Variants in ELOVL4 observed in about 807,000 individuals in gnomAD.
ELOVL4 encodes very long chain fatty acid elongase 4.
A neutral mutation model predicts 42.1 loss-of-function variants in ELOVL4; 18 were observed. That is an observed-to-expected ratio of 0.43 (90% CI 0.30 to 0.63). The LOEUF is 0.63. ELOVL4 is among the 30% of genes least tolerant of loss of function. ELOVL4 has a pLI of 0.15. For missense variants in ELOVL4, 299 were observed against 376.2 expected (o/e 0.79, Z 1.70); for synonymous variants, 117 against 127.0 (o/e 0.92, Z 0.53).
At chr6:79,932,551 C>CAAAA in intron 1 of ELOVL4, among the ~76,000 whole-genome samples, 1 of 142,130 alleles carries the variant, frequency 7.0e-6, no homozygotes, top group Admixed American at 7.0e-5. Flanking sequence ...GACTCCTTCT[C>CAAAA]AAAAAAAAAA....
rs923247626 is a variant in ELOVL4 at position 79,925,045 on chromosome 6, T to C, written c.289-13A>G. The C allele has an allele frequency of 3.2e-6, 5 of 1,546,538 alleles. No individual in the cohort carries two copies. In the African/African-American group the frequency reaches 5.4e-5, roughly 17 times the overall value. On this transcript the variant is annotated splice_polypyrimidine_tract_variant and intron_variant, in intron 2 of 5. Transcript: ENST00000369816. The stretch of plus-strand genomic sequence containing the variant: ...ATCCCATGAATAACTGGAAAAAGAG[T>C]AATAATATTTGTAGTAAAGTTTTAG...
intron 4 of ELOVL4, among the ~76,000 whole-genome samples, chr6:79,920,705 C>T (rs927741298): frequency 6.6e-6 from 1 of 152,076 alleles, no homozygotes; most frequent in Non-Finnish European, 1.5e-5. Context: ...AGATGTCACC[C>T]GTGTGGACAT....
chr6:79,947,095 G>C, intron 1 of ELOVL4, 85 bp downstream of exon 1: 1 of 1,163,260 alleles, frequency 8.6e-7, no homozygotes, highest in Non-Finnish European at 1.3e-6. Context: ...GGGGGCCTGT[G>C]GGGCCGGGCC....
chr6:79,947,295 G>C lies in ELOVL4; in HGVS notation c.-16C>G. ...GGAGCCCCATCGCGGCGATGAGCGG[G>C]CGCTGGCGGCAGGAGAAAGCGGAGA... On this transcript the variant is annotated 5_prime_UTR_variant, in exon 1 of 6. Coordinates refer to ENST00000369816, the MANE Select transcript of ELOVL4 (RefSeq NM_022726.4). The C allele has an allele frequency of 6.2e-7, 1 of 1,602,042 alleles. No homozygotes were observed.
chr6:79,928,702 T>C (rs1774387949), intron 1 of ELOVL4, among the ~76,000 whole-genome samples: 1 of 138,978 alleles, frequency 7.2e-6, no homozygotes, highest in Non-Finnish European at 1.5e-5. Context: ...CACAAGACCC[T>C]ACCAGTAAGT....
At chr6:79,923,632 G>T (rs572857246) in intron 3 of ELOVL4, among the ~76,000 whole-genome samples, 22 of 152,166 alleles carry the variant, frequency 1.4e-4, no homozygotes, top group African/African-American at 4.3e-4. Flanking sequence ...CACCTTCTAG[G>T]TTTTATTTCC....
chr6:79,946,962 G>C (rs1774754334), intron 1 of ELOVL4, among the ~76,000 whole-genome samples: 1 of 152,196 alleles, frequency 6.6e-6, no homozygotes. Context: ...GAGCTCAGAA[G>C]AAAACCCTGC....
intron 2 of ELOVL4, 57 bp from the exon 3 acceptor site, chr6:79,925,089 C>G: frequency 9.1e-7 from 1 of 1,099,552 alleles, no homozygotes; most frequent in Non-Finnish European, 1.4e-6. Context: ...GCATTAAAAA[C>G]ACAATTATAT....
rs567584791 is a variant in ELOVL4 at position 79,940,058 on chromosome 6, T to A, written c.100+7122A>T. ...AACTACTGTGAATAATGCTGCTATG[T>A]ACGTGTGTGAAAAAATATATAAAAT... On this transcript the variant is annotated intron_variant, in intron 1 of 5. Transcript: ENST00000369816. Among the ~76,000 whole-genome samples, 14 of 152,342 alleles carry A rather than the reference T, an allele frequency of 9.2e-5. No homozygotes were observed. In the South Asian group the frequency reaches 2.9e-3, roughly 32 times the overall value.
chr6:79,919,701 G>A (rs1198198336), intron 4 of ELOVL4, among the ~76,000 whole-genome samples, 154 bp from the exon 5 acceptor site: 1 of 152,110 alleles, frequency 6.6e-6, no homozygotes, highest in African/African-American at 2.4e-5. Flanking sequence ...TAATGAAAAA[G>A]TTTTCCCTTC....
At chr6:79,920,236 T>C (rs964152312) in intron 4 of ELOVL4, among the ~76,000 whole-genome samples, 1 of 152,152 alleles carries the variant, frequency 6.6e-6, no homozygotes, top group Admixed American at 6.6e-5. Flanking sequence ...TATCATAATA[T>C]GACAATGGAA....
At chr6:79,940,862 A>ATT (rs1193961435) in intron 1 of ELOVL4, among the ~76,000 whole-genome samples, 1 of 152,228 alleles carries the variant, frequency 6.6e-6, no homozygotes, top group Admixed American at 6.5e-5. Flanking sequence ...GCTCTTGGTT[A>ATT]TTCAAGGAAT....
At chr6:79,929,077 C>T (rs1330290901) in intron 1 of ELOVL4, among the ~76,000 whole-genome samples, 1 of 148,268 alleles carries the variant, frequency 6.7e-6, no homozygotes, top group Admixed American at 6.9e-5. Flanking sequence ...AATCTATCTT[C>T]ATTTCCTCCA....
rs764439920 is a variant in ELOVL4 at position 79,926,358 on chromosome 6, G to C, written c.124C>G (p.Leu42Val). Residue 42 changes from leucine (L) to valine (V), a missense_variant, in exon 2 of 6, where the codon CTG becomes GTG. Physicochemically the swap from Leu to Val is conservative, Grantham distance 32 (BLOSUM62 1). Transcript: ENST00000369816. Reference sequence around the variant, plus strand: ...AGTGTAGGCCAAGGAGACTGCATCAGAGGCCAATTTTCCACACGCTTATCT... The same window carrying C: ...AGTGTAGGCCAAGGAGACTGCATCACAGGCCAATTTTCCACACGCTTATCT... ...IADKRVENWP[L>V]MQSPWPTLSI... 2.5e-6 allele frequency: 4 copies of C among 1,613,966 alleles called. No individual in the cohort carries two copies. The South Asian group carries it at 4.4e-5, about 18-fold the overall frequency.
intron 2 of ELOVL4, among the ~76,000 whole-genome samples, chr6:79,925,256 C>G (rs1209349158): frequency 6.6e-6 from 1 of 152,116 alleles, no homozygotes; most frequent in Non-Finnish European, 1.5e-5. Flanking sequence ...AAATTTTATA[C>G]TGAACATTGA....
At chr6:79,937,139 G>A (rs1294573672) in intron 1 of ELOVL4, among the ~76,000 whole-genome samples, 2 of 152,194 alleles carry the variant, frequency 1.3e-5, no homozygotes, top group African/African-American at 4.8e-5. Context: ...AAGCTGCAAT[G>A]TCTCAAGGTA....
chr6:79,936,928 TTC>T (rs1466899067), intron 1 of ELOVL4, among the ~76,000 whole-genome samples: 4 of 152,222 alleles, frequency 2.6e-5, no homozygotes, highest in African/African-American at 9.6e-5. Flanking sequence ...CAGGGAAAAT[TTC>T]TGTTCTAACC....
chr6:79,937,601 A>T (rs2127701591), intron 1 of ELOVL4, among the ~76,000 whole-genome samples: 1 of 152,092 alleles, frequency 6.6e-6, no homozygotes, highest in South Asian at 2.1e-4. Context: ...AAAACACTGG[A>T]CACAGTGCCT....
chr6:79,940,036 T>C (rs1438035975), intron 1 of ELOVL4, among the ~76,000 whole-genome samples: 1 of 152,224 alleles, frequency 6.6e-6, no homozygotes, highest in Admixed American at 6.5e-5. Context: ...ACCTCTTAAC[T>C]ACTGTGAATA....
Sources: allele counts gnomAD v4.1 joint callset (sites outside exome capture counted in the v4.1 genomes callset), GRCh38; gene constraint gnomAD v4.1.1; transcripts MANE v1.5; gene names NCBI Gene and HGNC (gene_info 2026-07-23, HGNC 2026-07-21).